ADAM28: variants seen among roughly 807,000 people sequenced by gnomAD.
ADAM28 encodes the protein disintegrin and metalloproteinase domain-containing protein 28.
Under a neutral mutation model 101.2 loss-of-function variants are expected in ADAM28, and 105 were observed. The ratio of observed to expected loss-of-function variants is 1.04; its 90% CI spans 0.89 to 1.22. ADAM28 has a LOEUF of 1.22. ADAM28 is among the 50% of genes most tolerant of loss of function. The pLI is 0.00. For missense variants in ADAM28, 1,028 were observed against 945.4 expected, an observed-to-expected ratio of 1.09 and a Z score of -1.15; for synonymous variants, 322 against 310.6, an observed-to-expected ratio of 1.04 and a Z score of -0.39.
intron 1 of ADAM28, among the ~76,000 whole-genome samples, chr8:24,294,910 T>G (rs1239648623): frequency 6.6e-6 from 1 of 152,190 alleles, no homozygotes; most frequent in Admixed American, 6.5e-5. Context: ...TAAATTAGAT[T>G]GGGTATTGTG....
At chr8:24,301,163 C>G (rs1003333778) in intron 2 of ADAM28, among the ~76,000 whole-genome samples, 1 of 152,184 alleles carries the variant, frequency 6.6e-6, no homozygotes, top group Non-Finnish European at 1.5e-5. Context: ...TCACTGGACA[C>G]GGTTTCCCAT....
chr8:24,336,783 A>C (rs1449896187), intron 14 of ADAM28, among the ~76,000 whole-genome samples: 2 of 151,970 alleles, frequency 1.3e-5, no homozygotes, highest in Non-Finnish European at 2.9e-5. Flanking sequence ...AAGTTGAAAA[A>C]AAAAGGCAAG....
chr8:24,350,031 A>T, intron 19 of ADAM28, 59 bp downstream of exon 19: 1 of 1,440,684 alleles, frequency 6.9e-7, no homozygotes, highest in African/African-American at 1.4e-5. Flanking sequence ...ACTTTACTTT[A>T]AATTCAATGT....
At chr8:24,307,014 CT>C (rs1309378040) in intron 2 of ADAM28, among the ~76,000 whole-genome samples, 1 of 152,192 alleles carries the variant, frequency 6.6e-6, no homozygotes, top group African/African-American at 2.4e-5. Context: ...GGCATAGACT[CT>C]TCTATAGTCT....
At chr8:24,353,275 A>G (rs1332141827) in intron 21 of ADAM28, among the ~76,000 whole-genome samples, 1 of 152,120 alleles carries the variant, frequency 6.6e-6, no homozygotes, top group African/African-American at 2.4e-5. Flanking sequence ...GAGGTAGGGT[A>G]TGAAAAATGG....
chr8:24,318,362 T>C (rs564287405), intron 6 of ADAM28, among the ~76,000 whole-genome samples: 5 of 151,942 alleles, frequency 3.3e-5, no homozygotes, highest in Non-Finnish European at 5.9e-5. Context: ...TTACTCTGAT[T>C]GACTGGTAAA....
At chr8:24,309,507 T>C (rs977446677) in intron 2 of ADAM28, among the ~76,000 whole-genome samples, 5 of 152,212 alleles carry the variant, frequency 3.3e-5, no homozygotes, top group African/African-American at 9.6e-5. Context: ...TATACATCCA[T>C]TATCATGCAC....
intron 9 of ADAM28, among the ~76,000 whole-genome samples, 168 bp from the exon 10 acceptor site, chr8:24,326,386 C>A (rs568389120): frequency 8.5e-4 from 129 of 151,976 alleles, no homozygotes; most frequent in African/African-American, 2.9e-3. Context: ...AACACAAAAG[C>A]CATTCTATAG....
At chr8:24,351,072 T>C (rs1475165665) in intron 19 of ADAM28, among the ~76,000 whole-genome samples, 160 bp from the exon 20 acceptor site, 3 of 152,042 alleles carry the variant, frequency 2.0e-5, no homozygotes, top group Non-Finnish European at 4.4e-5. Context: ...TGAAAGAGGC[T>C]GACGGGGAAG....
At chr8:24,321,444 C>T in intron 8 of ADAM28, 155 bp downstream of exon 8, 1 of 688,438 alleles carries the variant, frequency 1.5e-6, no homozygotes, top group South Asian at 1.5e-5. Context: ...ACTTTTGCTA[C>T]ATAGGTGAAC....
chr8:24,303,481 A>G (rs981512491), intron 2 of ADAM28, among the ~76,000 whole-genome samples: 4 of 152,044 alleles, frequency 2.6e-5, no homozygotes, highest in African/African-American at 4.8e-5. Flanking sequence ...TGACCTCTCT[A>G]TCCATTTCCA....
intron 13 of ADAM28, 40 bp from the exon 14 acceptor site, chr8:24,335,406 T>G: frequency 1.3e-6 from 2 of 1,551,858 alleles, no homozygotes; most frequent in Non-Finnish European, 1.7e-6. Flanking sequence ...GTAAAGCAGG[T>G]AGGGAGAATA....
At chr8:24,316,686 A>T in intron 6 of ADAM28, among the ~76,000 whole-genome samples, 1 of 152,034 alleles carries the variant, frequency 6.6e-6, no homozygotes, top group East Asian at 1.9e-4. Flanking sequence ...AAGGATGCCT[A>T]CTCTTACCAC....
intron 1 of ADAM28, chr8:24,295,762 T>C (rs1807879769): frequency 6.6e-6 from 1 of 152,266 alleles, no homozygotes; most frequent in African/African-American, 2.4e-5. Context: ...CACCCCTCCT[T>C]TAACTTCTAG....
chr8:24,319,637 C>A (rs1304948401), intron 6 of ADAM28, among the ~76,000 whole-genome samples: 1 of 151,104 alleles, frequency 6.6e-6, no homozygotes, highest in Non-Finnish European at 1.5e-5. Flanking sequence ...TAGGAATAAT[C>A]TGTTGGTCCC....
At chr8:24,305,732 T>C (rs1224221904) in intron 2 of ADAM28, among the ~76,000 whole-genome samples, 1 of 152,204 alleles carries the variant, frequency 6.6e-6, no homozygotes, top group Non-Finnish European at 1.5e-5. Flanking sequence ...TTTCATCTAT[T>C]ACATTTCCAA....
chr8:24,343,957 G>GAATT (rs1815106150), intron 18 of ADAM28, among the ~76,000 whole-genome samples: 1 of 152,028 alleles, frequency 6.6e-6, no homozygotes. Context: ...TCTATTCTTT[G>GAATT]AATTATCTGT....
Position 24,332,749 on chromosome 8 carries a change from A to C in ADAM28, c.1371A>C (p.Gln457His). 1 of 1,429,546 alleles carries C rather than the reference A, an allele frequency of 7.0e-7. No individual in the cohort carries two copies. Among genetic ancestry groups the C allele is most frequent in the Non-Finnish European group, 9.3e-7 (1 of 1,071,912 alleles). The allele number at this position is 1,429,546 out of a possible 1,614,324, so 88.6% of individuals were successfully genotyped here. Residue 457 changes from glutamine to histidine, a missense_variant and splice_region_variant, in exon 13 of 23, where the codon CAA becomes CAC. Gln to His is a conservative substitution (Grantham distance 24, BLOSUM62 0). Transcript: ENST00000265769. ...TAGGAGAATGTTGTGAAAAATGCCA[A>C]GTAAGATTATTTTATTCTATTTTAA... ...CALGECCEKC[Q>H]FKKAGMVCRP...
Position 24,357,557 on chromosome 8 carries a change from A to G in ADAM28, c.*3153A>G, listed in dbSNP as rs995772232. On this transcript the variant is annotated 3_prime_UTR_variant, in exon 23 of 23. Transcript: ENST00000265769. ...CCATCAGATCTCTTGAGAGCTTACT[A>G]TCTCGACAAAAGCATGGGGGAAACC... is the stretch of plus-strand genomic sequence containing the variant. The G allele has an allele frequency of 2.0e-5, 3 of 152,096 alleles. No individual in the cohort carries two copies. The highest frequency in any genetic ancestry group is 4.4e-5 in the Non-Finnish European group (3 of 67,996). 9.4% of individuals were successfully genotyped at this position (152,096 alleles called of 1,614,324 possible). A position where few individuals can be genotyped will look rare whatever the true frequency, so the allele number is the denominator to read the frequency against.
Sources: allele counts gnomAD v4.1 joint callset (sites outside exome capture counted in the v4.1 genomes callset), GRCh38; gene constraint gnomAD v4.1.1; transcripts MANE v1.5; gene names NCBI Gene and HGNC (gene_info 2026-07-23, HGNC 2026-07-21).